MYT1L: variants seen among roughly 807,000 people sequenced by gnomAD.
MYT1L encodes the protein myelin transcription factor 1-like protein.
In MYT1L, 12 loss-of-function variants were observed where a neutral mutation model predicts 126.7. The observed-to-expected ratio is 0.09, with a 90% CI of 0.06 to 0.15. MYT1L has a LOEUF of 0.15. Among genes scored for constraint, MYT1L ranks in the 10% least tolerant of loss-of-function variants. The probability of loss-of-function intolerance (pLI) is 1.00; values close to 1 mark genes in which losing one functional copy is unlikely to be tolerated. For missense variants in MYT1L, 979 were observed against 1,585.2 expected, an observed-to-expected ratio of 0.62 and a Z score of 6.49; for synonymous variants, 541 against 604.2, an observed-to-expected ratio of 0.90 and a Z score of 1.53.
intron 18 of MYT1L, among the ~76,000 whole-genome samples, chr2:1,882,774 A>C (rs2047727912): frequency 6.6e-6 from 1 of 152,234 alleles, no homozygotes; most frequent in Non-Finnish European, 1.5e-5. Context: ...AGAGCCTGGT[A>C]AATAATCTCC....
At position 2,003,991 on chromosome 2, in the gene MYT1L, G is replaced by C. The variant is rs1004152195; in HGVS notation, c.-157-6644C>G. Among the ~76,000 whole-genome samples the C allele has an allele frequency of 1.4e-3, 214 of 148,478 alleles. 2 individuals are homozygous for C. In the South Asian group the frequency reaches 0.015, roughly 11 times the overall value. On this transcript the variant is annotated intron_variant, in intron 4 of 24. Transcript: ENST00000647738. Reference sequence around the variant, plus strand: ...CCTGCAGGCATTCTTTCCTGCAAGCGTTCTTTCCTGCATGCCTTCTTTCCT... The same window carrying C: ...CCTGCAGGCATTCTTTCCTGCAAGCCTTCTTTCCTGCATGCCTTCTTTCCT...
intron 2 of MYT1L, among the ~76,000 whole-genome samples, chr2:2,248,475 TCTAA>T (rs1293138602): frequency 3.3e-5 from 5 of 152,038 alleles, no homozygotes; most frequent in South Asian, 2.1e-4. Flanking sequence ...CCAATCCTAC[TCTAA>T]CTGTTTGAAA....
At chr2:2,105,638 T>G (rs753263773) in intron 3 of MYT1L, among the ~76,000 whole-genome samples, 1 of 152,168 alleles carries the variant, frequency 6.6e-6, no homozygotes, top group Non-Finnish European at 1.5e-5. Context: ...CTTGCAGAGA[T>G]TTCAAACACG....
At chr2:1,903,696 C>A (rs1324199949) in intron 13 of MYT1L, among the ~76,000 whole-genome samples, 1 of 152,090 alleles carries the variant, frequency 6.6e-6, no homozygotes, top group East Asian at 1.9e-4. Context: ...AAAAAATCCC[C>A]CTTAAAAAGT....
At chr2:2,107,956 T>G (rs553758102) in intron 3 of MYT1L, among the ~76,000 whole-genome samples, 1 of 152,292 alleles carries the variant, frequency 6.6e-6, no homozygotes, top group African/African-American at 2.4e-5. Flanking sequence ...TTGAATAATA[T>G]CTGTTCAATC....
At chr2:2,146,999 C>A (rs761235138) in intron 3 of MYT1L, among the ~76,000 whole-genome samples, 2 of 152,278 alleles carry the variant, frequency 1.3e-5, no homozygotes, top group Non-Finnish European at 2.9e-5. Flanking sequence ...TTAGGAGTTG[C>A]CTCATGATGG....
At chr2:1,991,548 G>C (rs2061457548) in intron 5 of MYT1L, among the ~76,000 whole-genome samples, 1 of 152,036 alleles carries the variant, frequency 6.6e-6, no homozygotes, top group South Asian at 2.1e-4. Flanking sequence ...AAAAGTTCTG[G>C]AATTTTAGGT....
At chr2:2,306,103 G>A (rs1339990281) in intron 1 of MYT1L, 3 of 152,188 alleles carry the variant, frequency 2.0e-5, no homozygotes, top group Admixed American at 2.0e-4. Flanking sequence ...ACCCGAGTGT[G>A]AAGACTCCTG....
Position 1,979,690 on chromosome 2 carries a change from C to T in MYT1L, c.55+33G>A, listed in dbSNP as rs1216641773. On this transcript the variant is annotated intron_variant, in intron 6 of 24. Coordinates refer to ENST00000647738, the MANE Select transcript of MYT1L (RefSeq NM_001303052.2). The surrounding 1 kb of genome is among the most constrained non-coding windows in gnomAD (Gnocchi z 4.0). ...TCCGCAGGATGAAGGTGACCCTGAGCCGGCCTCAGGATGCAGGGAAGCGCG... is the reference window on the plus strand; with the variant it reads ...TCCGCAGGATGAAGGTGACCCTGAGTCGGCCTCAGGATGCAGGGAAGCGCG... 1 of 1,613,066 alleles carries T rather than the reference C, an allele frequency of 6.2e-7. No homozygotes were observed. Among genetic ancestry groups the T allele is most frequent in the Admixed American group, 1.7e-5 (1 of 60,004 alleles).
At chr2:2,166,085 T>C (rs1044437033) in intron 3 of MYT1L, among the ~76,000 whole-genome samples, 2 of 152,240 alleles carry the variant, frequency 1.3e-5, no homozygotes, top group African/African-American at 4.8e-5. Context: ...CGTTGTTAAC[T>C]AGAAAATCCG....
chr2:2,178,601 C>T (rs1474983992), intron 2 of MYT1L, among the ~76,000 whole-genome samples: 1 of 152,276 alleles, frequency 6.6e-6, no homozygotes, highest in Admixed American at 6.5e-5. Flanking sequence ...CTCTCTGTCC[C>T]CTCAGGGTCT....
chr2:1,925,112 C>CA (rs2054054650), intron 9 of MYT1L, among the ~76,000 whole-genome samples: 1 of 152,196 alleles, frequency 6.6e-6, no homozygotes, highest in South Asian at 2.1e-4. Context: ...GATTTGAAAA[C>CA]AAAAAAGCAC....
At chr2:2,197,822 C>T (rs1452484150) in intron 2 of MYT1L, among the ~76,000 whole-genome samples, 1 of 151,680 alleles carries the variant, frequency 6.6e-6, no homozygotes, top group African/African-American at 2.4e-5. Context: ...CATGCACACA[C>T]ACACGCACAC....
chr2:2,099,038 C>T (rs1322028846), intron 3 of MYT1L, among the ~76,000 whole-genome samples: 3 of 152,196 alleles, frequency 2.0e-5, no homozygotes, highest in Non-Finnish European at 4.4e-5. Flanking sequence ...CACCGCTAGG[C>T]AGCCCATTAA....
intron 2 of MYT1L, among the ~76,000 whole-genome samples, chr2:2,206,068 C>T (rs754388521): frequency 2.7e-4 from 41 of 151,820 alleles, no homozygotes; most frequent in Non-Finnish European, 5.4e-4. Context: ...CTGCAGCCTC[C>T]ACCTCCCAGG....
At chr2:2,142,604 T>C (rs1167826544) in intron 3 of MYT1L, among the ~76,000 whole-genome samples, 1 of 152,174 alleles carries the variant, frequency 6.6e-6, no homozygotes, top group Non-Finnish European at 1.5e-5. Context: ...TTGTGTGCAG[T>C]GAACATTAAC....
At chr2:2,115,305 C>T (rs1207735551) in intron 3 of MYT1L, among the ~76,000 whole-genome samples, 1 of 152,212 alleles carries the variant, frequency 6.6e-6, no homozygotes, top group African/African-American at 2.4e-5. Context: ...TTGTCCCCTG[C>T]TATATCTCCA....
chr2:1,913,416 C>T (rs2052345022), intron 11 of MYT1L, among the ~76,000 whole-genome samples: 1 of 152,070 alleles, frequency 6.6e-6, no homozygotes, highest in African/African-American at 2.4e-5. Context: ...AGGAGGGTTC[C>T]TTTCTGAGAG....
chr2:2,048,562 G>A (rs906986865), intron 4 of MYT1L, among the ~76,000 whole-genome samples: 1 of 152,160 alleles, frequency 6.6e-6, no homozygotes, highest in African/African-American at 2.4e-5. Flanking sequence ...GGTGGTCCAT[G>A]CGCTGACTCC....
Sources: gnomAD v4.1 joint callset for allele counts (sites outside exome capture counted in the v4.1 genomes callset) on GRCh38, gnomAD v4.1.1 for gene constraint, Gnocchi (gnomAD v3.1) non-coding constraint, MANE v1.5 for transcripts, NCBI Gene and HGNC (gene_info 2026-07-23, HGNC 2026-07-21) for gene names.